Variants in KIAA1328 observed in about 807,000 individuals in gnomAD.
KIAA1328 encodes protein hinderin.
Under a neutral mutation model 68.1 loss-of-function variants are expected in KIAA1328, and 52 were observed. That is an observed-to-expected ratio of 0.76 (90% CI 0.61 to 0.96). The LOEUF is 0.96. Ranked by LOEUF, KIAA1328 falls within the 40% of genes least tolerant of loss-of-function variation. The pLI is 0.00. For missense variants in KIAA1328, 641 were observed against 677.6 expected, an observed-to-expected ratio of 0.95 and a Z score of 0.60; for synonymous variants, 232 against 239.4, an observed-to-expected ratio of 0.97 and a Z score of 0.28.
rs1192315704 is a variant in KIAA1328, at chr18:37,160,338, C to T, written c.1371C>T (p.Ala457=). The part of the protein sequence containing the change: ...VGFHSHMKDD[A]QWSCQKKDTC... ...TTCATTCGCATATGAAAGATGATGC[C>T]CAGTGGTCATGTCAAAAGAAAGATA... Residue 457 remains alanine, a synonymous_variant, in exon 8 of 10, where the codon GCC becomes GCT. Transcript: ENST00000280020. The T allele has an allele frequency of 6.2e-7, 1 of 1,613,220 alleles. No individual in the cohort carries two copies. Among genetic ancestry groups the T allele is most frequent in the East Asian group, 2.2e-5 (1 of 44,842 alleles).
At chr18:36,843,766 A>G (rs908240142) in intron 3 of KIAA1328, among the ~76,000 whole-genome samples, 3 of 152,056 alleles carry the variant, frequency 2.0e-5, no homozygotes, top group African/African-American at 7.2e-5. Flanking sequence ...TGCTATTATT[A>G]CTCTTTGGTT....
chr18:37,219,461 G>C (rs527290235), intron 9 of KIAA1328, among the ~76,000 whole-genome samples: 11 of 152,202 alleles, frequency 7.2e-5, no homozygotes, highest in African/African-American at 1.9e-4. Flanking sequence ...GGCAGGCCTC[G>C]TTGACCTGCG....
intron 5 of KIAA1328, among the ~76,000 whole-genome samples, chr18:36,927,876 A>G (rs1419401303): frequency 6.6e-6 from 1 of 152,096 alleles, no homozygotes; most frequent in Non-Finnish European, 1.5e-5. Flanking sequence ...AAAGAAAGAG[A>G]AAAAGAGAAA....
At chr18:36,854,327 GT>G (rs2047315065) in intron 4 of KIAA1328, among the ~76,000 whole-genome samples, 1 of 152,186 alleles carries the variant, frequency 6.6e-6, no homozygotes, top group Non-Finnish European at 1.5e-5. Context: ...GTGGTACTTT[GT>G]TAAGGCAGCC....
chr18:36,830,580 T>TG (rs563682648), intron 1 of KIAA1328, among the ~76,000 whole-genome samples: 94 of 151,104 alleles, frequency 6.2e-4, no homozygotes, highest in East Asian at 2.3e-3. Context: ...ATCAATGGTT[T>TG]GGGGGGGGGA....
At chr18:37,155,739 G>T (rs1019346999) in intron 7 of KIAA1328, among the ~76,000 whole-genome samples, 1 of 152,074 alleles carries the variant, frequency 6.6e-6, no homozygotes, top group Non-Finnish European at 1.5e-5. Context: ...CATGGAAAAC[G>T]CAACCTTTCA....
At chr18:37,008,800 A>C (rs551165364) in intron 6 of KIAA1328, among the ~76,000 whole-genome samples, 2 of 152,310 alleles carry the variant, frequency 1.3e-5, no homozygotes, top group South Asian at 4.1e-4. Flanking sequence ...ATGGAGTAAC[A>C]AAGGAAAGAG....
At chr18:36,981,766 T>TTC (rs980886783) in intron 6 of KIAA1328, among the ~76,000 whole-genome samples, 2 of 151,274 alleles carry the variant, frequency 1.3e-5, no homozygotes, top group African/African-American at 2.4e-5. Flanking sequence ...GTTTGATTTT[T>TTC]TTTTTTTTTT....
chr18:37,014,607 T>C lies in KIAA1328; in HGVS notation c.577-52283T>C, dbSNP rs144235313. Among the ~76,000 whole-genome samples, 761 of 152,248 alleles carry C rather than the reference T, an allele frequency of 5.0e-3. 7 individuals are homozygous for C. Among genetic ancestry groups the C allele is most frequent in the Non-Finnish European group, 9.1e-3 (619 of 68,018 alleles). On this transcript the variant is annotated intron_variant, in intron 6 of 9. Coordinates refer to ENST00000280020, the MANE Select transcript of KIAA1328 (RefSeq NM_020776.3). ...GGAGGCCTCAGGAAACTTACAATCA[T>C]GGCAGAAGATGAATGGGAAGCAGGC...
intron 5 of KIAA1328, among the ~76,000 whole-genome samples, chr18:36,935,380 G>A (rs927442357): frequency 6.6e-6 from 1 of 152,058 alleles, no homozygotes; most frequent in Non-Finnish European, 1.5e-5. Flanking sequence ...ACCTCCTTTG[G>A]TATAAGCCTT....
At chr18:36,912,767 T>G (rs896053506) in intron 5 of KIAA1328, among the ~76,000 whole-genome samples, 1 of 152,192 alleles carries the variant, frequency 6.6e-6, no homozygotes, top group African/African-American at 2.4e-5. Flanking sequence ...ATGAACTCAA[T>G]CATCTAGATT....
chr18:37,097,187 T>C (rs1009014463), intron 7 of KIAA1328, among the ~76,000 whole-genome samples: 3 of 152,244 alleles, frequency 2.0e-5, no homozygotes, highest in Non-Finnish European at 4.4e-5. Flanking sequence ...AGGTTTCTTC[T>C]AGGGTTCTTC....
rs900890078 is a variant in KIAA1328, at chr18:37,223,553, G to C, written c.*1326G>C. ...TTACTTGGGAATTTTATTTGATCTG[G>C]AGGGTGTGGCTTTTTTTCTCTCCTT... On this transcript the variant is annotated 3_prime_UTR_variant, in exon 10 of 10. Coordinates refer to ENST00000280020, the MANE Select transcript of KIAA1328 (RefSeq NM_020776.3). The C allele has an allele frequency of 1.1e-5, 11 of 985,316 alleles. 1 individual carries two copies. The African/African-American group carries it at 1.6e-4, about 14-fold the overall frequency. The allele number at this position is 985,316 out of a possible 1,614,324, so 61.0% of individuals were successfully genotyped here. A position where few individuals can be genotyped will look rare whatever the true frequency, so the allele number is the denominator to read the frequency against.
At chr18:37,151,527 T>C (rs1341803678) in intron 7 of KIAA1328, among the ~76,000 whole-genome samples, 2 of 152,182 alleles carry the variant, frequency 1.3e-5, no homozygotes, top group Non-Finnish European at 2.9e-5. Context: ...ATTTTAGGTA[T>C]GTAAATTAAA....
intron 5 of KIAA1328, among the ~76,000 whole-genome samples, chr18:36,921,594 C>T (rs1016730770): frequency 2.0e-5 from 3 of 151,934 alleles, no homozygotes; most frequent in East Asian, 1.9e-4. Context: ...TTAGTAGAGA[C>T]GGGGTTTCAC....
chr18:37,161,903 TATCATC>T (rs2059287262), intron 8 of KIAA1328, among the ~76,000 whole-genome samples: 1 of 152,244 alleles, frequency 6.6e-6, no homozygotes, highest in Non-Finnish European at 1.5e-5. Flanking sequence ...TTGAGAAAGA[TATCATC>T]AGGCCAGCCC....
At chr18:37,128,743 C>T (rs951895104) in intron 7 of KIAA1328, among the ~76,000 whole-genome samples, 4 of 152,078 alleles carry the variant, frequency 2.6e-5, no homozygotes, top group Admixed American at 2.6e-4. Context: ...AAATTGGAAA[C>T]AAGCCAAATG....
intron 7 of KIAA1328, among the ~76,000 whole-genome samples, chr18:37,105,807 C>T (rs1308846123): frequency 1.4e-5 from 2 of 147,556 alleles, no homozygotes; most frequent in African/African-American, 2.5e-5. Context: ...ATCCCAGTTA[C>T]TTGGGAAGCT....
chr18:37,150,771 C>A (rs886920986), intron 7 of KIAA1328, among the ~76,000 whole-genome samples: 1 of 151,966 alleles, frequency 6.6e-6, no homozygotes, highest in African/African-American at 2.4e-5. Flanking sequence ...CAAACAGATG[C>A]AGGAAAAGCA....
Sources: gnomAD v4.1 joint callset for allele counts (sites outside exome capture counted in the v4.1 genomes callset) on GRCh38, gnomAD v4.1.1 for gene constraint, MANE v1.5 for transcripts, NCBI Gene and HGNC (gene_info 2026-07-23, HGNC 2026-07-21) for gene names.